The following PAFAH1B1 variants were observed in gnomAD, a reference collection of about 807,000 sequenced individuals.
The protein encoded by PAFAH1B1 is platelet-activating factor acetylhydrolase IB subunit beta.
A neutral mutation model predicts 57.5 loss-of-function variants in PAFAH1B1; 2 were observed. The ratio of observed to expected loss-of-function variants is 0.03; its 90% confidence interval spans 0.01 to 0.11. The LOEUF (loss-of-function observed/expected upper bound fraction) is 0.11, where lower values mean the gene tolerates loss of function less well. Among genes scored for constraint, PAFAH1B1 ranks in the 10% least tolerant of loss-of-function variants. The pLI is 1.00. For missense variants in PAFAH1B1, 257 were observed against 512.0 expected (o/e 0.50, Z 4.81); for synonymous variants, 152 against 169.6 (o/e 0.90, Z 0.81).
chr17:2,667,388 A>G, intron 5 of PAFAH1B1, 190 bp downstream of exon 5: 1 of 554,120 alleles, frequency 1.8e-6, no homozygotes, highest in South Asian at 2.0e-5. Flanking sequence ...CCTGAAAATG[A>G]GGGCCTATGA....
chr17:2,603,884 T>C (rs2068173959), intron 1 of PAFAH1B1, among the ~76,000 whole-genome samples: 2 of 151,538 alleles, frequency 1.3e-5, no homozygotes, highest in Admixed American at 6.6e-5. Context: ...ATTACAGGCA[T>C]GCGCAACCAC....
intron 6 of PAFAH1B1, among the ~76,000 whole-genome samples, 176 bp from the exon 7 acceptor site, chr17:2,672,479 A>G (rs910142644): frequency 2.0e-5 from 3 of 151,856 alleles, no homozygotes; most frequent in African/African-American, 7.3e-5. Context: ...TGTTTTACTG[A>G]TTTTTTTAAC....
At chr17:2,597,132 A>T (rs996962000) in intron 1 of PAFAH1B1, among the ~76,000 whole-genome samples, 8 of 152,168 alleles carry the variant, frequency 5.3e-5, no homozygotes, top group Non-Finnish European at 1.2e-4. Context: ...GGAGCTTAAG[A>T]TAATTTGACT....
rs1036814497 is a variant in PAFAH1B1 at position 2,642,586 on chromosome 17, C to A, written c.32+4266C>A. Among the ~76,000 whole-genome samples, 3 of 152,106 alleles carry A rather than the reference C, an allele frequency of 2.0e-5. No homozygotes were observed. The East Asian group carries it at 5.8e-4, about 29-fold the overall frequency. ...TGTCGAAATCTGAAATACTTCTGAT[C>A]CCAAGCATTTCAGATAAGAGCTACT... On this transcript the variant is annotated intron_variant, in intron 2 of 10. Transcript: ENST00000397195.
At chr17:2,603,874 A>G (rs2068173842) in intron 1 of PAFAH1B1, among the ~76,000 whole-genome samples, 1 of 150,570 alleles carries the variant, frequency 6.6e-6, no homozygotes. Flanking sequence ...AGTAGCTGGG[A>G]TTACAGGCAT....
chr17:2,663,773 C>CT (rs2069053728), intron 2 of PAFAH1B1, among the ~76,000 whole-genome samples: 1 of 151,540 alleles, frequency 6.6e-6, no homozygotes, highest in Admixed American at 6.6e-5. Flanking sequence ...TCTCAGCTCA[C>CT]TGCAACCTTT....
chr17:2,597,309 A>G (rs2068093922), intron 1 of PAFAH1B1, among the ~76,000 whole-genome samples: 1 of 151,938 alleles, frequency 6.6e-6, no homozygotes, highest in African/African-American at 2.4e-5. Flanking sequence ...GTTTTTCCAG[A>G]TAAAATATCT....
At chr17:2,681,655 GAGAGGGGGTC>G (rs2069386441) in intron 10 of PAFAH1B1, 64 bp from the exon 11 acceptor site, 1 of 1,141,602 alleles carries the variant, frequency 8.8e-7, no homozygotes, top group East Asian at 2.4e-5. Context: ...GTATTTTGTA[GAGAGGGGGTC>G]TCACTATGTT....
intron 2 of PAFAH1B1, among the ~76,000 whole-genome samples, chr17:2,660,227 T>C (rs1298383331): frequency 6.8e-6 from 1 of 147,950 alleles, no homozygotes; most frequent in African/African-American, 2.5e-5. Flanking sequence ...CAGTGTATCT[T>C]TTTTTTTTTT....
chr17:2,648,637 C>A (rs1315114411), intron 2 of PAFAH1B1, among the ~76,000 whole-genome samples: 1 of 146,982 alleles, frequency 6.8e-6, no homozygotes, highest in Non-Finnish European at 1.5e-5. Flanking sequence ...GAGATCGTGC[C>A]ATTGCACTCC....
intron 1 of PAFAH1B1, among the ~76,000 whole-genome samples, chr17:2,633,179 T>A (rs1476668913): frequency 6.6e-6 from 1 of 151,790 alleles, no homozygotes; most frequent in Admixed American, 6.6e-5. Flanking sequence ...TCTTTTCTTT[T>A]TTTTTTTTGG....
At chr17:2,594,156 T>C (rs758260741) in intron 1 of PAFAH1B1, 150 bp downstream of exon 1, 68 of 392,494 alleles carry the variant, frequency 1.7e-4, no homozygotes, top group Middle Eastern at 6.3e-4. Flanking sequence ...GCCTCCTCCT[T>C]CTTCTTCTCT....
chr17:2,663,582 AC>A (rs2069050386), intron 2 of PAFAH1B1, among the ~76,000 whole-genome samples: 1 of 150,736 alleles, frequency 6.6e-6, no homozygotes, highest in East Asian at 2.0e-4. Context: ...TTAACTTATT[AC>A]TTTTAGTAAC....
intron 2 of PAFAH1B1, among the ~76,000 whole-genome samples, chr17:2,651,584 CAAA>C (rs572952878): frequency 4.7e-5 from 5 of 107,264 alleles, no homozygotes; most frequent in Non-Finnish European, 5.9e-5. Flanking sequence ...GACTCCATCT[CAAA>C]AAAAAAAAAA....
intron 1 of PAFAH1B1, among the ~76,000 whole-genome samples, chr17:2,625,230 C>T (rs1385737943): frequency 6.6e-6 from 1 of 152,132 alleles, no homozygotes; most frequent in Middle Eastern, 3.2e-3. Flanking sequence ...TGATATCAGT[C>T]TAAGAAAGTC....
intron 1 of PAFAH1B1, among the ~76,000 whole-genome samples, chr17:2,636,854 TC>T (rs1348690742): frequency 6.6e-6 from 1 of 152,072 alleles, no homozygotes; most frequent in Non-Finnish European, 1.5e-5. Flanking sequence ...TGCCTTAGCT[TC>T]TCAAGTAAGC....
At chr17:2,674,797 T>A (rs2069237114) in intron 8 of PAFAH1B1, among the ~76,000 whole-genome samples, 1 of 152,078 alleles carries the variant, frequency 6.6e-6, no homozygotes, top group Non-Finnish European at 1.5e-5. Context: ...GAGCCTGGAG[T>A]TTTAACGCAT....
rs140747128 is a variant in PAFAH1B1, at chr17:2,604,198, C to T, written c.-191+10192C>T. On this transcript the variant is annotated intron_variant, in intron 1 of 10. Transcript: ENST00000397195. ...GATTACAAGTGTGTGCCACCACACC[C>T]GGCTAATTTTTGTATTTTTAGTAGA... 2.2e-3 allele frequency among the ~76,000 whole-genome samples: 331 copies of T among 151,816 alleles called. 1 individual carries two copies. The highest frequency in any genetic ancestry group is 7.5e-3 in the African/African-American group (312 of 41,364).
intron 1 of PAFAH1B1, among the ~76,000 whole-genome samples, chr17:2,609,222 C>G (rs1177836141): frequency 6.6e-6 from 1 of 152,090 alleles, no homozygotes; most frequent in Non-Finnish European, 1.5e-5. Flanking sequence ...GGTGCTGGGG[C>G]TGGTCTCAGA....
Sources: gnomAD v4.1 joint callset for allele counts (sites outside exome capture counted in the v4.1 genomes callset) on GRCh38, gnomAD v4.1.1 for gene constraint, MANE v1.5 for transcripts, NCBI Gene and HGNC (gene_info 2026-07-23, HGNC 2026-07-21) for gene names.